MKLN1: variants seen among roughly 807,000 people sequenced by gnomAD.
MKLN1 encodes muskelin 1, also known as muskelin.
A neutral mutation model predicts 99.0 loss-of-function variants in MKLN1; 18 were observed. The ratio of observed to expected loss-of-function variants is 0.18; its 90% CI spans 0.13 to 0.27. The LOEUF (loss-of-function observed/expected upper bound fraction) is 0.27, where lower values mean the gene tolerates loss of function less well. Ranked by LOEUF, MKLN1 falls within the 10% of genes least tolerant of loss-of-function variation. The pLI, the probability that MKLN1 is intolerant of heterozygous loss-of-function variation, is 1.00. For missense variants in MKLN1, 621 were observed against 875.9 expected, an observed-to-expected ratio of 0.71 and a Z score of 3.67; for synonymous variants, 288 against 293.2, an observed-to-expected ratio of 0.98 and a Z score of 0.18.
Position 131,487,658 on chromosome 7 carries a change from C to T in MKLN1, c.2138C>T (p.Thr713Ile). ...TYAQRTQLFD[T>I]LVNFFPDSMT... ...GCTCAAAGAACTCAGCTCTTTGACA[C>T]CTTAGTAAATTTCTTTCCTGACAGC... The change falls in exon 18 of 18, where the codon ACC becomes ATC. Residue 713 changes from threonine (T) to isoleucine (I), a missense_variant. By Grantham distance (89) the Thr-to-Ile change is moderately conservative. This residue lies in a region of MKLN1 where 126 missense variants were observed against 157.4 expected (regional missense o/e 0.80). Coordinates refer to ENST00000352689, the MANE Select transcript of MKLN1 (RefSeq NM_013255.5). This position sits in a 1 kb window ranked among gnomAD's most constrained non-coding sequence, Gnocchi z 4.7. The T allele has an allele frequency of 6.2e-7, 1 of 1,613,032 alleles. No individual in the cohort carries two copies. Among genetic ancestry groups the T allele is most frequent in the South Asian group, 1.1e-5 (1 of 91,008 alleles).
intron 3 of MKLN1, among the ~76,000 whole-genome samples, chr7:131,237,034 G>T (rs1336974051): frequency 6.6e-6 from 1 of 152,050 alleles, no homozygotes; most frequent in Admixed American, 6.6e-5. Context: ...CCACAGTCTG[G>T]TTCCCCCCAA....
chr7:131,133,689 T>C (rs1367000592), intron 1 of MKLN1, among the ~76,000 whole-genome samples: 1 of 151,622 alleles, frequency 6.6e-6, no homozygotes, highest in African/African-American at 2.4e-5. Context: ...GGTCTCACTA[T>C]GTTGACCAGG....
intron 3 of MKLN1, among the ~76,000 whole-genome samples, chr7:131,304,145 G>T (rs947598000): frequency 6.6e-6 from 1 of 152,148 alleles, no homozygotes; most frequent in Non-Finnish European, 1.5e-5. Context: ...AGGCTGAGGC[G>T]GGAGGATCTC....
chr7:131,163,206 G>A (rs1328819170), intron 2 of MKLN1, among the ~76,000 whole-genome samples: 3 of 152,200 alleles, frequency 2.0e-5, no homozygotes, highest in African/African-American at 7.2e-5. Flanking sequence ...ATCATTAGCT[G>A]TGGCAAAAGG....
intron 2 of MKLN1, among the ~76,000 whole-genome samples, chr7:131,145,878 G>A (rs35247037): frequency 0.47 from 70,740 of 152,094 alleles, 17,700 homozygotes; most frequent in Non-Finnish European, 0.57. Context: ...CGGAAGTGGG[G>A]CAGTCATGCC....
chr7:131,223,038 A>G (rs1218568019), intron 3 of MKLN1, among the ~76,000 whole-genome samples: 4 of 152,060 alleles, frequency 2.6e-5, no homozygotes, highest in African/African-American at 9.7e-5. Flanking sequence ...CTGTCTCAGA[A>G]AAAAAAATAA....
intron 1 of MKLN1, among the ~76,000 whole-genome samples, chr7:131,364,478 T>G (rs1382704011): frequency 6.6e-6 from 1 of 152,050 alleles, no homozygotes; most frequent in African/African-American, 2.4e-5. Flanking sequence ...GTTTTTTTTT[T>G]TTTAAACATT....
chr7:131,212,560 A>G (rs1415341803), intron 3 of MKLN1, among the ~76,000 whole-genome samples: 1 of 152,252 alleles, frequency 6.6e-6, no homozygotes, highest in Non-Finnish European at 1.5e-5. Flanking sequence ...ATTTCAAAAC[A>G]TCTTCATTAT....
chr7:131,218,160 A>G (rs1797011609), intron 3 of MKLN1, among the ~76,000 whole-genome samples: 1 of 152,192 alleles, frequency 6.6e-6, no homozygotes, highest in African/African-American at 2.4e-5. Flanking sequence ...CAGTTGGTTC[A>G]TACGGAATAC....
At chr7:131,141,698 T>C (rs529451744) in intron 1 of MKLN1, among the ~76,000 whole-genome samples, 3 of 152,318 alleles carry the variant, frequency 2.0e-5, no homozygotes, top group African/African-American at 7.2e-5. Context: ...TCACACCTTG[T>C]AAGTGTCTGT....
rs530249652 is a variant in MKLN1 at position 131,174,998 on chromosome 7, G to C, written c.-296-27859G>C. On this transcript the variant is annotated intron_variant, in intron 2 of 7. Coordinates refer to the MKLN1 transcript ENST00000416992. ...AGATAGATAGATAGATAGATAGATA[G>C]ATAGATAGATAGGGTGGGTATATAG... Among the ~76,000 whole-genome samples, 508 of 151,386 alleles carry C rather than the reference G, an allele frequency of 3.4e-3. 1 individual carries two copies. Among genetic ancestry groups the C allele is most frequent in the Non-Finnish European group, 5.1e-3 (347 of 67,784 alleles).
chr7:131,253,956 C>T (rs1182583778), intron 3 of MKLN1, among the ~76,000 whole-genome samples: 1 of 152,134 alleles, frequency 6.6e-6, no homozygotes, highest in African/African-American at 2.4e-5. Flanking sequence ...CAAGGACTGA[C>T]CTCAAAAACT....
intron 12 of MKLN1, among the ~76,000 whole-genome samples, chr7:131,461,399 G>C (rs1796511320): frequency 6.6e-6 from 1 of 151,714 alleles, no homozygotes; most frequent in African/African-American, 2.4e-5. Flanking sequence ...AGATCAGGTT[G>C]ATATATGTGT....
rs1795904153 is a variant in MKLN1, at chr7:131,443,505, A to G, written c.1198A>G (p.Met400Val). The change falls in exon 11 of 18, where the codon ATG becomes GTG. Residue 400 changes from methionine to valine, a missense_variant. Met to Val is a conservative substitution (Grantham distance 21). This residue lies in a region of MKLN1 where 361 missense variants were observed against 540.8 expected (regional missense o/e 0.67). Transcript: ENST00000352689. ...HQMCMDSEKH[M>V]IYTFGGRILT... Reference sequence around the variant, plus strand: ...GATGTGTATGGACTCAGAAAAACATATGATCTACACTTTTGGTGGTAGAAT... The same window carrying G: ...GATGTGTATGGACTCAGAAAAACATGTGATCTACACTTTTGGTGGTAGAAT... 2 of 1,606,870 alleles carry G rather than the reference A, an allele frequency of 1.2e-6. No homozygotes were observed. The highest frequency in any genetic ancestry group is 1.7e-6 in the Non-Finnish European group (2 of 1,176,642).
intron 3 of MKLN1, among the ~76,000 whole-genome samples, chr7:131,214,144 T>C (rs184442411): frequency 1.4e-3 from 210 of 152,256 alleles, no homozygotes; most frequent in African/African-American, 4.9e-3. Flanking sequence ...CGCCTCAGCC[T>C]CCCAAAGTGC....
chr7:131,445,246 C>T (rs1025779334), intron 11 of MKLN1, among the ~76,000 whole-genome samples: 3 of 150,304 alleles, frequency 2.0e-5, no homozygotes, highest in Admixed American at 6.6e-5. Flanking sequence ...TTAATTTTGT[C>T]TTCTAATTAA....
At chr7:131,482,251 G>A (rs1451416322) in intron 17 of MKLN1, among the ~76,000 whole-genome samples, 1 of 152,206 alleles carries the variant, frequency 6.6e-6, no homozygotes, top group Non-Finnish European at 1.5e-5. Context: ...CTGGAGTGCA[G>A]TGGTGCAGTC....
intron 16 of MKLN1, among the ~76,000 whole-genome samples, chr7:131,472,485 A>T (rs1796845770): frequency 6.6e-6 from 1 of 152,214 alleles, no homozygotes; most frequent in Non-Finnish European, 1.5e-5. Context: ...TAAAATAGTA[A>T]CAACTTAGGA....
chr7:131,451,938 A>G (rs756953083), intron 12 of MKLN1, among the ~76,000 whole-genome samples: 4 of 152,240 alleles, frequency 2.6e-5, no homozygotes, highest in Non-Finnish European at 5.9e-5. Context: ...TCATTCAAGG[A>G]AGAAGCATAT....
Sources: allele counts gnomAD v4.1 joint callset (sites outside exome capture counted in the v4.1 genomes callset), GRCh38; gene constraint gnomAD v4.1.1; regional missense constraint gnomAD v4.1.1; non-coding constraint Gnocchi (gnomAD v3.1); transcripts MANE v1.5; gene names NCBI Gene and HGNC (gene_info 2026-07-23, HGNC 2026-07-21).